Variants in RYR3 observed in about 807,000 individuals in gnomAD.
The protein encoded by RYR3 is ryanodine receptor 3, also known as brain ryanodine receptor-calcium release channel.
Under a neutral mutation model 584.3 loss-of-function variants are expected in RYR3, and 207 were observed. The ratio of observed to expected loss-of-function variants is 0.35; its 90% CI spans 0.32 to 0.40. The LOEUF (loss-of-function observed/expected upper bound fraction) is 0.40, where lower values mean the gene tolerates loss of function less well. Ranked by LOEUF, RYR3 falls within the 10% of genes least tolerant of loss-of-function variation. The pLI is 1.00. For synonymous variants in RYR3, 2,416 were observed against 2,248.5 expected, an observed-to-expected ratio of 1.07 and a Z score of -2.11; for missense variants, 5,616 against 6,089.2, an observed-to-expected ratio of 0.92 and a Z score of 2.59.
chr15:33,426,613 T>G (rs2044674546), intron 1 of RYR3, among the ~76,000 whole-genome samples: 1 of 152,240 alleles, frequency 6.6e-6, no homozygotes, highest in South Asian at 2.1e-4. Flanking sequence ...CTTTTGGGTA[T>G]TCTTATCATC....
intron 1 of RYR3, among the ~76,000 whole-genome samples, chr15:33,343,937 G>A (rs1443480103): frequency 1.3e-5 from 2 of 152,150 alleles, no homozygotes; most frequent in African/African-American, 4.8e-5. Flanking sequence ...TTAGTGGAAT[G>A]GAGAAAGGTT....
chr15:33,613,770 C>T (rs150387843), intron 19 of RYR3, among the ~76,000 whole-genome samples: 121 of 152,204 alleles, frequency 7.9e-4, no homozygotes, highest in Non-Finnish European at 1.5e-3. Context: ...CAAGTCCTTT[C>T]TTCTACAAAT....
chr15:33,810,713 C>T (rs2076480560), intron 71 of RYR3, 64 bp downstream of exon 71: 1 of 1,597,130 alleles, frequency 6.3e-7, no homozygotes, highest in Non-Finnish European at 8.6e-7. Flanking sequence ...AGCATTCAGC[C>T]CCTGAAGGGT....
intron 60 of RYR3, 128 bp from the exon 61 acceptor site, chr15:33,768,530 A>G: frequency 1.3e-6 from 1 of 785,168 alleles, no homozygotes; most frequent in Non-Finnish European, 2.3e-6. Context: ...CTAGGAACAT[A>G]GTGCATCTCC....
chr15:33,314,771 G>A (rs538288494), intron 1 of RYR3, among the ~76,000 whole-genome samples: 1 of 152,190 alleles, frequency 6.6e-6, no homozygotes, highest in African/African-American at 2.4e-5. Context: ...AAAATTAGCC[G>A]GGCGTGGTGG....
chr15:33,426,542 G>A (rs2044669563), intron 1 of RYR3, among the ~76,000 whole-genome samples: 1 of 152,126 alleles, frequency 6.6e-6, no homozygotes, highest in Admixed American at 6.5e-5. Flanking sequence ...TGTACTAAAG[G>A]CAGTTTAATT....
intron 2 of RYR3, among the ~76,000 whole-genome samples, chr15:33,492,063 A>G (rs1216474019): frequency 1.3e-5 from 2 of 152,228 alleles, no homozygotes; most frequent in African/African-American, 4.8e-5. Flanking sequence ...TTCTATTACC[A>G]TTCTATTCAA....
intron 59 of RYR3, among the ~76,000 whole-genome samples, chr15:33,756,842 C>T (rs545165962): frequency 1.3e-5 from 2 of 152,124 alleles, no homozygotes; most frequent in South Asian, 2.1e-4. Context: ...TCTTCTGGTA[C>T]GATATGATAC....
At chr15:33,438,175 A>G (rs996102682) in intron 1 of RYR3, among the ~76,000 whole-genome samples, 14 of 152,032 alleles carry the variant, frequency 9.2e-5, no homozygotes, top group African/African-American at 3.1e-4. Flanking sequence ...AACATTTAAA[A>G]TCTCTTGGCA....
intron 1 of RYR3, among the ~76,000 whole-genome samples, chr15:33,325,828 G>A (rs930564833): frequency 7.4e-5 from 11 of 149,298 alleles, no homozygotes; most frequent in Admixed American, 6.8e-5. Flanking sequence ...TTGAGACAGG[G>A]TCTCACTCTG....
chr15:33,335,070 A>G (rs62013802), intron 1 of RYR3, among the ~76,000 whole-genome samples: 53,335 of 152,092 alleles, frequency 0.35, 9,609 homozygotes, highest in East Asian at 0.53. Context: ...ACACTTTTAC[A>G]TTGCTGTTGG....
intron 67 of RYR3, among the ~76,000 whole-genome samples, chr15:33,800,074 C>A (rs996175899): frequency 3.3e-5 from 5 of 152,172 alleles, no homozygotes; most frequent in Non-Finnish European, 7.3e-5. Context: ...CCTGAAACTG[C>A]AGTTCAACCT....
chr15:33,725,001 G>A (rs7162807), intron 45 of RYR3, among the ~76,000 whole-genome samples: 115,039 of 151,752 alleles, frequency 0.76, 44,129 homozygotes, highest in East Asian at 0.98. Context: ...CTGTGTGTTC[G>A]CACTCTAGCT....
chr15:33,514,316 G>C (rs982483616), intron 3 of RYR3, among the ~76,000 whole-genome samples: 1 of 152,172 alleles, frequency 6.6e-6, no homozygotes, highest in Non-Finnish European at 1.5e-5. Flanking sequence ...TCCAGACCCC[G>C]TTTCTCTGCT....
chr15:33,801,771 A>G, intron 68 of RYR3, 98 bp from the exon 69 acceptor site: 1 of 651,018 alleles, frequency 1.5e-6, no homozygotes, highest in Non-Finnish European at 2.7e-6. Flanking sequence ...CTCGGCTGAG[A>G]GGAGGGGTCT....
intron 52 of RYR3, among the ~76,000 whole-genome samples, chr15:33,743,207 G>C (rs1232309241): frequency 6.6e-6 from 1 of 152,150 alleles, no homozygotes; most frequent in East Asian, 1.9e-4. Flanking sequence ...TGAACCACCA[G>C]CTCAGCCTCT....
chr15:33,855,162 G>A (rs1208835189), intron 98 of RYR3, among the ~76,000 whole-genome samples: 1 of 152,040 alleles, frequency 6.6e-6, no homozygotes, highest in Non-Finnish European at 1.5e-5. Context: ...TCAACCAGGA[G>A]AGGGAGGGAG....
rs552778011 is a variant in RYR3 at position 33,775,764 on chromosome 15, G to A, written c.9137+2149G>A. On this transcript the variant is annotated intron_variant, in intron 64 of 103. Coordinates refer to ENST00000634891, the MANE Select transcript of RYR3 (RefSeq NM_001036.6). Reference sequence around the variant, plus strand: ...CCCATCTGCTACTCTGTAATGGAACGTGGCCCCACACGCATGCTGCCCACC... The same window carrying A: ...CCCATCTGCTACTCTGTAATGGAACATGGCCCCACACGCATGCTGCCCACC... 4.7e-4 allele frequency among the ~76,000 whole-genome samples: 71 copies of A among 152,244 alleles called. 2 individuals are homozygous for A. Among genetic ancestry groups the A allele is most frequent in the Middle Eastern group, 3.4e-3 (1 of 294 alleles).
At chr15:33,718,662 G>A (rs1167117852) in intron 43 of RYR3, among the ~76,000 whole-genome samples, 3 of 152,230 alleles carry the variant, frequency 2.0e-5, no homozygotes, top group Non-Finnish European at 4.4e-5. Context: ...TTAGAACACA[G>A]AGAGTGAGAA....
Sources: allele counts gnomAD v4.1 joint callset (sites outside exome capture counted in the v4.1 genomes callset), GRCh38; gene constraint gnomAD v4.1.1; transcripts MANE v1.5; gene names NCBI Gene and HGNC (gene_info 2026-07-23, HGNC 2026-07-21).